The following GRHL3 variants were observed in gnomAD, a reference collection of about 807,000 sequenced individuals.
GRHL3 encodes the protein grainyhead like transcription factor 3, also known as grainyhead-like protein 3 homolog.
Under a neutral mutation model 70.3 loss-of-function variants are expected in GRHL3, and 20 were observed. The observed-to-expected ratio is 0.28, with a 90% CI of 0.20 to 0.41. GRHL3 has a LOEUF of 0.41. GRHL3 is among the 10% of genes least tolerant of loss of function. GRHL3 has a pLI of 1.00. For missense variants in GRHL3, 637 were observed against 762.3 expected, an observed-to-expected ratio of 0.84 and a Z score of 1.94; for synonymous variants, 299 against 299.9, an observed-to-expected ratio of 1.00 and a Z score of 0.03.
chr1:24,350,838 A>G (rs953197316), intron 15 of GRHL3, among the ~76,000 whole-genome samples: 6 of 152,186 alleles, frequency 3.9e-5, no homozygotes, highest in African/African-American at 1.4e-4. Flanking sequence ...GCTGCCTACC[A>G]TGGGCTCCTG....
chr1:24,354,527 G>C lies in GRHL3; in HGVS notation c.*39G>C. 7.5e-7 allele frequency: 1 copy of C among 1,336,388 alleles called. No individual in the cohort carries two copies. The highest frequency in any genetic ancestry group is 1.1e-6 in the Non-Finnish European group (1 of 927,258). The allele number at this position is 1,336,388 out of a possible 1,614,324, so 82.8% of individuals were successfully genotyped here. On this transcript the variant is annotated 3_prime_UTR_variant, in exon 16 of 16. Coordinates refer to ENST00000361548, the MANE Select transcript of GRHL3 (RefSeq NM_198173.3). ...TCCAAACCCTCACGACCTGCAAGGG[G>C]CCAGCAGGGACGTGGCCCCACGCCA...
At chr1:24,335,200 G>T (rs1639751596) in intron 3 of GRHL3, among the ~76,000 whole-genome samples, 1 of 152,216 alleles carries the variant, frequency 6.6e-6, no homozygotes, top group Admixed American at 6.5e-5. Context: ...AAGACCCACA[G>T]CCTCTGGGAG....
chr1:24,337,594 C>T (rs1639871897), intron 5 of GRHL3, 42 bp from the exon 6 acceptor site: 4 of 1,607,876 alleles, frequency 2.5e-6, no homozygotes, highest in Non-Finnish European at 3.4e-6. Flanking sequence ...AGACTTCCTG[C>T]CTGGGAGCCC....
At chr1:24,324,622 A>G (rs1639322017) in intron 1 of GRHL3, among the ~76,000 whole-genome samples, 1 of 152,224 alleles carries the variant, frequency 6.6e-6, no homozygotes, top group African/African-American at 2.4e-5. Flanking sequence ...GTTAGCCAGC[A>G]CCCGGTACTT....
In GRHL3 at chr1:24,326,409, C is replaced by T. The variant is rs1557690872; in HGVS notation, c.18-5017C>T. Among the ~76,000 whole-genome samples the T allele has an allele frequency of 5.4e-5, 8 of 149,476 alleles. No individual in the cohort carries two copies. The South Asian group carries it at 1.7e-3, about 32-fold the overall frequency. On this transcript the variant is annotated intron_variant, in intron 1 of 15. Transcript: ENST00000361548. ...TCTTCTCCTCCACCCCTATTCCCCTCCACCCCTCTTCCCCTCCACCCCTCT... is the reference window on the plus strand; with the variant it reads ...TCTTCTCCTCCACCCCTATTCCCCTTCACCCCTCTTCCCCTCCACCCCTCT...
At position 24,347,511 on chromosome 1, in the gene GRHL3, G is replaced by C. The variant is rs754817104; in HGVS notation, c.1587G>C (p.Ala529=). ...VRRETEEVFD[A]LMLKTPDLKG... ...GGGAGACTGAGGAGGTGTTTGACGC[G>C]CTCATGTTGAAGACCCCAGACCTGA... is the stretch of plus-strand genomic sequence containing the variant. Residue 529 remains alanine, a synonymous_variant, in exon 14 of 16, where the codon GCG becomes GCC. Coordinates refer to ENST00000361548, the MANE Select transcript of GRHL3 (RefSeq NM_198173.3). The C allele has an allele frequency of 5.6e-6, 9 of 1,614,182 alleles. No homozygotes were observed. Among genetic ancestry groups the C allele is most frequent in the East Asian group, 4.5e-5 (2 of 44,882 alleles).
rs768087580 is a variant in GRHL3, at chr1:24,337,166, C to T, written c.686+15C>T. The T allele has an allele frequency of 6.2e-7, 1 of 1,603,992 alleles. No individual in the cohort carries two copies. The highest frequency in any genetic ancestry group is 1.1e-5 in the South Asian group (1 of 90,602). On this transcript the variant is annotated intron_variant, in intron 5 of 15. Transcript: ENST00000361548. ...AGCCTCAAAAGGTAACTTGGTCTCC[C>T]TGGACCCTCAGACACCTGGGCAGTG...
chr1:24,337,175 C>G, intron 5 of GRHL3, 24 bp downstream of exon 5: 2 of 1,571,644 alleles, frequency 1.3e-6, no homozygotes, highest in Non-Finnish European at 1.8e-6. Flanking sequence ...CCTGGACCCT[C>G]AGACACCTGG....
chr1:24,337,849 T>C, intron 6 of GRHL3, 60 bp downstream of exon 6: 1 of 1,608,008 alleles, frequency 6.2e-7, no homozygotes, highest in Non-Finnish European at 8.5e-7. Flanking sequence ...ACCTCCTCCT[T>C]GGGCTAGCCA....
chr1:24,360,548 T>C (rs922574542), intron 15 of GRHL3, among the ~76,000 whole-genome samples: 1 of 152,262 alleles, frequency 6.6e-6, no homozygotes, highest in African/African-American at 2.4e-5. Flanking sequence ...AATGTCTATA[T>C]GTGCCAATTC....
rs1472634279 is a variant in GRHL3 at position 24,321,870 on chromosome 1, GCCTGGAGCC to G, written c.17+2304_17+2312del. On this transcript the variant is annotated intron_variant, in intron 1 of 15. Coordinates refer to ENST00000361548, the MANE Select transcript of GRHL3 (RefSeq NM_198173.3). This position sits in a 1 kb window ranked among gnomAD's most constrained non-coding sequence, Gnocchi z 4.0. ...TTCATGTGGTCGCAGCGCTCTGGGT[GCCTGGAGCC>G]CGCAGCCCTGGGCAGCCCCGGGCTA... The G allele has an allele frequency of 6.6e-6, 1 of 152,244 alleles. No homozygotes were observed. Among genetic ancestry groups the G allele is most frequent in the East Asian group, 1.9e-4 (1 of 5,174 alleles). The allele number at this position is 152,244 out of a possible 1,614,324, so 9.4% of individuals were successfully genotyped here.
chr1:24,347,875 A>C (rs1640354118), intron 14 of GRHL3, among the ~76,000 whole-genome samples: 1 of 152,194 alleles, frequency 6.6e-6, no homozygotes, highest in Admixed American at 6.5e-5. Context: ...AATGGAACCC[A>C]AAAAGGCCAG....
intron 1 of GRHL3, among the ~76,000 whole-genome samples, chr1:24,329,621 G>A (rs1215204579): frequency 6.6e-6 from 1 of 152,220 alleles, no homozygotes; most frequent in Admixed American, 6.5e-5. Context: ...AACAGACGAA[G>A]CAAATGATCC....
Position 24,319,475 on chromosome 1 carries a change from G to A in GRHL3, c.-77G>A. ...TCAAACACTTTCCCGGGCAGAGAAT[G>A]TCTGTGTCAGGCAAGAATTAGAGAC... On this transcript the variant is annotated 5_prime_UTR_variant, in exon 1 of 16. The change abolishes an upstream ATG in the 5' untranslated region. Coordinates refer to ENST00000361548, the MANE Select transcript of GRHL3 (RefSeq NM_198173.3). 7.2e-7 allele frequency: 1 copy of A among 1,393,618 alleles called. No homozygotes were observed. Among genetic ancestry groups the A allele is most frequent in the South Asian group, 1.2e-5 (1 of 86,818 alleles). 86.3% of individuals were successfully genotyped at this position (1,393,618 alleles called of 1,614,324 possible).
rs1424017107 is a variant in GRHL3 at position 24,334,811 on chromosome 1, T to A, written c.266+105T>A. The A allele has an allele frequency of 3.5e-5, 23 of 665,360 alleles. No homozygotes were observed. Among genetic ancestry groups the A allele is most frequent in the Non-Finnish European group, 5.3e-5 (21 of 397,786 alleles). The allele number at this position is 665,360 out of a possible 1,614,324, so 41.2% of individuals were successfully genotyped here. A position where few individuals can be genotyped will look rare whatever the true frequency, so the allele number is the denominator to read the frequency against. On this transcript the variant is annotated intron_variant, in intron 3 of 15. Coordinates refer to ENST00000361548, the MANE Select transcript of GRHL3 (RefSeq NM_198173.3). The surrounding 1 kb of genome is among the most constrained non-coding windows in gnomAD (Gnocchi z 4.3). ...CCATTAGGCACAGGAGGCACAGTGC[T>A]GAGGGCCCACAACACATTTTGGGAT...
At position 24,338,183 on chromosome 1, in the gene GRHL3, C is replaced by G. The variant is rs112332866; in HGVS notation, c.952+80C>G. 753 of 904,714 alleles carry G rather than the reference C, an allele frequency of 8.3e-4. 4 individuals carry two copies. In the African/African-American group the frequency reaches 0.011, roughly 13 times the overall value. 56.0% of individuals were successfully genotyped at this position (904,714 alleles called of 1,614,324 possible). ...ATCAATCAGGCCTTTTTCTTACTCA[C>G]CCCTGTTTCCCTACCTGGCTCTGAC... On this transcript the variant is annotated intron_variant, in intron 7 of 15. Transcript: ENST00000361548.
At chr1:24,357,056 C>G (rs904320635), downstream of GRHL3, 2 of 135,728 alleles carry the variant, frequency 1.5e-5, no homozygotes, top group South Asian at 2.5e-4. Context: ...GCCCCCCCCC[C>G]CAAAAAAAAA....
At chr1:24,331,001 G>T (rs755909239) in intron 1 of GRHL3, among the ~76,000 whole-genome samples, 1 of 152,246 alleles carries the variant, frequency 6.6e-6, no homozygotes, top group African/African-American at 2.4e-5. Flanking sequence ...GCCTTTCACA[G>T]TCTTGAGGAC....
chr1:24,336,735 G>C lies in GRHL3; in HGVS notation c.520G>C (p.Gly174Arg), dbSNP rs2148656079. ...ACCCACCACTGATATGTATGATAAT[G>C]GCTCCCTCAACTCCTTGTTTGAGAG... ...LLPTTDMYDN[G>R]SLNSLFESIH... Residue 174 changes from glycine to arginine, a missense_variant, in exon 4 of 16, where the codon GGC (glycine) becomes CGC (arginine). Physicochemically the swap from Gly to Arg is moderately radical, Grantham distance 125 (BLOSUM62 -2). Coordinates refer to ENST00000361548, the MANE Select transcript of GRHL3 (RefSeq NM_198173.3). 1 of 1,614,058 alleles carries C rather than the reference G, an allele frequency of 6.2e-7. No homozygotes were observed. The highest frequency in any genetic ancestry group is 2.2e-5 in the East Asian group (1 of 44,872).
Sources: gnomAD v4.1 joint callset for allele counts (sites outside exome capture counted in the v4.1 genomes callset) on GRCh38, gnomAD v4.1.1 for gene constraint, Gnocchi (gnomAD v3.1) non-coding constraint, MANE v1.5 for transcripts, NCBI Gene and HGNC (gene_info 2026-07-23, HGNC 2026-07-21) for gene names.